Variants in CCNH observed in about 807,000 individuals in gnomAD.
The protein encoded by CCNH is cyclin H, also known as cyclin-H.
CCNH carries 31 observed loss-of-function variants against 41.9 expected under a neutral mutation model. That is an observed-to-expected ratio of 0.74 (90% CI 0.56 to 1.00). The LOEUF is 1.00. CCNH is among the 50% of genes least tolerant of loss of function. The pLI is 0.00. For missense variants in CCNH, 362 were observed against 388.4 expected, an observed-to-expected ratio of 0.93 and a Z score of 0.57; for synonymous variants, 138 against 136.1, an observed-to-expected ratio of 1.01 and a Z score of -0.10.
chr5:87,399,293 T>A, intron 7 of CCNH, 101 bp downstream of exon 7: 2 of 814,632 alleles, frequency 2.5e-6, no homozygotes, highest in Admixed American at 2.0e-5. Context: ...TATGGATCAG[T>A]CAGCTTTCCT....
chr5:87,380,692 T>A (rs1761648643), upstream of CCNH: 1 of 1,146,786 alleles, frequency 8.7e-7, no homozygotes, highest in Admixed American at 1.7e-5. Context: ...GCTTTTTTCT[T>A]TGGCTTTTAT....
At chr5:87,392,380 C>A (rs908362594), downstream of CCNH, 2 of 455,326 alleles carry the variant, frequency 4.4e-6, no homozygotes, top group Non-Finnish European at 8.8e-6. Flanking sequence ...CCGTTTAACA[C>A]TGATACCAAA....
At chr5:87,380,350 C>A (rs780041031), upstream of CCNH, among the ~76,000 whole-genome samples, 1 of 152,038 alleles carries the variant, frequency 6.6e-6, no homozygotes, top group Non-Finnish European at 1.5e-5. Context: ...TTTCCTTACC[C>A]CTTGCTAAAT....
intron 9 of CCNH, among the ~76,000 whole-genome samples, chr5:87,349,698 A>G: frequency 6.6e-6 from 1 of 152,058 alleles, no homozygotes; most frequent in Non-Finnish European, 1.5e-5. Flanking sequence ...ACATTATTTT[A>G]TCAGTGAGAT....
intron 9 of CCNH, among the ~76,000 whole-genome samples, chr5:87,329,591 A>G (rs148631441): frequency 7.2e-4 from 110 of 152,318 alleles, no homozygotes; most frequent in African/African-American, 2.6e-3. Flanking sequence ...CAAAAGATGA[A>G]GGAGATTAAA....
intron 9 of CCNH, among the ~76,000 whole-genome samples, chr5:87,354,866 G>C (rs2112435997): frequency 6.6e-6 from 1 of 152,272 alleles, no homozygotes; most frequent in African/African-American, 2.4e-5. Context: ...CTGATATAGA[G>C]AAAATTTGAG....
In CCNH at chr5:87,335,516, C is replaced by T. The variant is rs184204569; in HGVS notation, c.*91-16619G>A. On this transcript the variant is annotated intron_variant and NMD_transcript_variant, in intron 9 of 9. Coordinates refer to the CCNH transcript ENST00000645953. ...TCTTGGGTCACTGCAACCTCCGCCA[C>T]CTGGGTTCAAGCGATTCTCCTGCCT... Among the ~76,000 whole-genome samples, 742 of 150,178 alleles carry T rather than the reference C, an allele frequency of 4.9e-3. 4 individuals carry two copies. Among genetic ancestry groups the T allele is most frequent in the Admixed American group, 6.8e-3 (102 of 14,988 alleles).
rs201302523 is a variant in CCNH at position 87,368,133 on chromosome 5, TA to T, written c.*90+24636del. 8.7e-3 allele frequency among the ~76,000 whole-genome samples: 1,316 copies of T among 151,430 alleles called. 10 individuals carry two copies. Among genetic ancestry groups the T allele is most frequent in the Middle Eastern group, 0.024 (7 of 294 alleles). On this transcript the variant is annotated intron_variant and NMD_transcript_variant, in intron 9 of 9. Transcript: ENST00000645953. ...TTCCTTTTTCTTCTTGGAGTCTGGT[TA>T]AAAAAAAAGTTGCACTATTTCCCAT...
At chr5:87,313,373 C>T in the CCNH span, among the ~76,000 whole-genome samples, 1 of 151,976 alleles carries the variant, frequency 6.6e-6, no homozygotes, top group Non-Finnish European at 1.5e-5. Context: ...GTTTGGAAGC[C>T]GGGCTTTACC....
At chr5:87,376,746 T>G (rs1200575252) in exon 1 of CCNH, 1 of 1,207,254 alleles carries the variant, frequency 8.3e-7, no homozygotes, top group Non-Finnish European at 1.2e-6. Context: ...GAATTCATTC[T>G]ATTTTAAATA....
downstream of CCNH, among the ~76,000 whole-genome samples, chr5:87,314,108 G>A (rs989134300): frequency 1.3e-5 from 2 of 152,236 alleles, no homozygotes; most frequent in Non-Finnish European, 2.9e-5. Flanking sequence ...GGGACGTGGA[G>A]GTTGCGGTGA....
chr5:87,377,031 A>C, exon 1 of CCNH: 1 of 1,613,760 alleles, frequency 6.2e-7, no homozygotes, highest in African/African-American at 1.3e-5. Flanking sequence ...CAGAGAAATA[A>C]GCATGGAAGG....
chr5:87,394,804 G>C (rs2112542704), intron 8 of CCNH: 1 of 1,369,870 alleles, frequency 7.3e-7, no homozygotes, highest in East Asian at 2.7e-5. Flanking sequence ...AATGTAGTAT[G>C]TATACATATT....
At chr5:87,363,907 C>G (rs535670501) in intron 9 of CCNH, among the ~76,000 whole-genome samples, 1 of 152,094 alleles carries the variant, frequency 6.6e-6, no homozygotes, top group East Asian at 1.9e-4. Flanking sequence ...AAAAAATAAT[C>G]TTAAAATTGT....
At chr5:87,400,658 AAC>A (rs1763335256) in intron 6 of CCNH, among the ~76,000 whole-genome samples, 1 of 152,228 alleles carries the variant, frequency 6.6e-6, no homozygotes, top group Admixed American at 6.5e-5. Context: ...TAAATTTTAA[AAC>A]ACAAAATATA....
Position 87,332,364 on chromosome 5 carries a change from CTAA to C in CCNH, c.*91-13470_*91-13468del, listed in dbSNP as rs1178815670. 6.3e-6 allele frequency: 5 copies of C among 799,654 alleles called. No homozygotes were observed. The African/African-American group carries it at 8.7e-5, about 14-fold the overall frequency. The allele number at this position is 799,654 out of a possible 1,614,324, so 49.5% of individuals were successfully genotyped here. A position where few individuals can be genotyped will look rare whatever the true frequency, so the allele number is the denominator to read the frequency against. On this transcript the variant is annotated intron_variant and NMD_transcript_variant, in intron 9 of 9. Coordinates refer to the CCNH transcript ENST00000645953. ...CAAGTAATTTACTGTGATGAAGATACTAATAAGTGGTATTTTAGTATAAGGATA... is the reference window on the plus strand; with the variant it reads ...CAAGTAATTTACTGTGATGAAGATACTAAGTGGTATTTTAGTATAAGGATA...
chr5:87,407,501 C>T (rs917327999), intron 4 of CCNH, among the ~76,000 whole-genome samples: 4 of 152,124 alleles, frequency 2.6e-5, no homozygotes, highest in Non-Finnish European at 4.4e-5. Context: ...TGTTTGTTTA[C>T]GTATATTATT....
chr5:87,369,825 T>C, intron 9 of CCNH: 1 of 1,611,510 alleles, frequency 6.2e-7, no homozygotes, highest in East Asian at 2.2e-5. Flanking sequence ...CAAACTGTTT[T>C]CAGATAGTAG....
chr5:87,385,182 G>T, intron 9 of CCNH: 1 of 727,882 alleles, frequency 1.4e-6, no homozygotes, highest in Non-Finnish European at 2.5e-6. Flanking sequence ...TCTGAGTTCC[G>T]AATGGAAGAA....
Sources: gnomAD v4.1 joint callset for allele counts (sites outside exome capture counted in the v4.1 genomes callset) on GRCh38, gnomAD v4.1.1 for gene constraint, MANE v1.5 for transcripts, NCBI Gene and HGNC (gene_info 2026-07-23, HGNC 2026-07-21) for gene names.